The following PCLO variants were observed in gnomAD, a reference collection of about 807,000 sequenced individuals.
The protein encoded by PCLO is protein piccolo.
A neutral mutation model predicts 427.5 loss-of-function variants in PCLO; 82 were observed. That is an observed-to-expected ratio of 0.19 (90% CI 0.16 to 0.23). PCLO has a LOEUF of 0.23. Among genes scored for constraint, PCLO ranks in the 10% least tolerant of loss-of-function variants. The pLI is 1.00. For missense variants in PCLO, 6,239 were observed against 6,115.9 expected, an observed-to-expected ratio of 1.02 and a Z score of -0.67; for synonymous variants, 2,357 against 2,155.4, an observed-to-expected ratio of 1.09 and a Z score of -2.59.
At chr7:82,761,724 T>C (rs997010911) in intron 22 of PCLO, among the ~76,000 whole-genome samples, 2 of 151,844 alleles carry the variant, frequency 1.3e-5, no homozygotes, top group Non-Finnish European at 2.9e-5. Flanking sequence ...CAGATTCATT[T>C]ATTCAGATAT....
chr7:82,856,025 A>C (rs1481022729), intron 10 of PCLO, among the ~76,000 whole-genome samples: 2 of 152,140 alleles, frequency 1.3e-5, no homozygotes, highest in Non-Finnish European at 2.9e-5. Flanking sequence ...ACTTGGGCAC[A>C]GTTAAGGGAG....
chr7:82,766,714 A>G (rs901200781), intron 22 of PCLO, among the ~76,000 whole-genome samples: 1 of 152,046 alleles, frequency 6.6e-6, no homozygotes, highest in African/African-American at 2.4e-5. Context: ...AGCTCAACAC[A>G]CCGCATATGT....
intron 20 of PCLO, among the ~76,000 whole-genome samples, chr7:82,813,032 G>T (rs1317556447): frequency 6.6e-6 from 1 of 151,652 alleles, no homozygotes; most frequent in Non-Finnish European, 1.5e-5. Context: ...GAAACTGTGA[G>T]AACTTACATC....
At chr7:83,061,822 A>G (rs1370797803) in intron 3 of PCLO, among the ~76,000 whole-genome samples, 1 of 152,098 alleles carries the variant, frequency 6.6e-6, no homozygotes, top group Non-Finnish European at 1.5e-5. Flanking sequence ...TCACTCCCTA[A>G]CCATTTGGGT....
At chr7:83,000,045 CAAA>C (rs1033669345) in intron 3 of PCLO, among the ~76,000 whole-genome samples, 1 of 84,522 alleles carries the variant, frequency 1.2e-5, no homozygotes, top group Admixed American at 1.4e-4. Context: ...TGCCAAAAAA[CAAA>C]AAACAAACAA....
intron 19 of PCLO, 101 bp downstream of exon 19, chr7:82,824,135 A>C (rs1053832676): frequency 2.7e-6 from 2 of 742,918 alleles, no homozygotes; most frequent in Non-Finnish European, 4.2e-6. Flanking sequence ...AGTCGTGTCT[A>C]ATCTATTAAT....
At chr7:83,080,946 T>C (rs1297848916) in intron 3 of PCLO, among the ~76,000 whole-genome samples, 1 of 151,636 alleles carries the variant, frequency 6.6e-6, no homozygotes, top group African/African-American at 2.4e-5. Context: ...AAAATAATTA[T>C]AATAATATAC....
Position 82,828,073 on chromosome 7 carries a change from C to G in PCLO, c.14250-107G>C, listed in dbSNP as rs867910969. On this transcript the variant is annotated intron_variant, in intron 16 of 24. Coordinates refer to ENST00000333891, the MANE Select transcript of PCLO (RefSeq NM_033026.6). ...CTATTCAAGATATTTTATTTCAAATCACTATATAATTATCTCATCATCCTC... is the reference window on the plus strand; with the variant it reads ...CTATTCAAGATATTTTATTTCAAATGACTATATAATTATCTCATCATCCTC... 47 of 683,402 alleles carry G rather than the reference C, an allele frequency of 6.9e-5. No homozygotes were observed. The Middle Eastern group carries it at 1.7e-3, about 24-fold the overall frequency. The allele number at this position is 683,402 out of a possible 1,614,324, so 42.3% of individuals were successfully genotyped here.
In PCLO at chr7:82,950,535, T is replaced by G. The variant is rs1266219930; in HGVS notation, c.10053A>C (p.Ala3351=). The G allele has an allele frequency of 6.2e-7, 1 of 1,613,898 alleles. No homozygotes were observed. Among genetic ancestry groups the G allele is most frequent in the Admixed American group, 1.7e-5 (1 of 60,012 alleles). Residue 3351 remains alanine (A), a synonymous_variant, in exon 6 of 25, where the codon GCA becomes GCC. Coordinates refer to ENST00000333891, the MANE Select transcript of PCLO (RefSeq NM_033026.6). ...AAGCTGTGGTGGTTGCATCTTCAGT[T>G]GCCCAAAATTGACTGCCTTCCAGAG... ...YAALEGSQFW[A]TEDATTTASA... is the part of the protein sequence containing the mutation.
Position 82,951,071 on chromosome 7 carries a change from G to C in PCLO, c.9517C>G (p.Leu3173Val). The C allele has an allele frequency of 1.2e-6, 2 of 1,613,918 alleles. No individual in the cohort carries two copies. Among genetic ancestry groups the C allele is most frequent in the African/African-American group, 2.7e-5 (2 of 75,054 alleles). ...ACAGAGTCTATCGTCTCAGCAGTAAGAGACTCCATAGTAATAGTTTGCAAA... is the reference window on the plus strand; with the variant it reads ...ACAGAGTCTATCGTCTCAGCAGTAACAGACTCCATAGTAATAGTTTGCAAA... ...ASLQTITMES[L>V]TAETIDSVPT... is the part of the protein sequence containing the mutation. Residue 3173 changes from leucine to valine, a missense_variant, in exon 6 of 25, where the codon CTT becomes GTT. Physicochemically the swap from Leu to Val is conservative, Grantham distance 32. Transcript: ENST00000333891.
intron 3 of PCLO, among the ~76,000 whole-genome samples, chr7:82,979,476 GT>G (rs1796099156): frequency 6.6e-6 from 1 of 152,070 alleles, no homozygotes; most frequent in South Asian, 2.1e-4. Context: ...GTTTAAAGTA[GT>G]TTTTTGATGC....
At chr7:82,902,126 C>T (rs78182686) in intron 9 of PCLO, among the ~76,000 whole-genome samples, 10,050 of 151,806 alleles carry the variant, frequency 0.066, 452 homozygotes, top group East Asian at 0.19. Flanking sequence ...CACATGCACA[C>T]GTATGTTTAT....
rs1209922156 is a variant in PCLO at position 83,114,107 on chromosome 7, A to G, written c.3300+20143T>C. Among the ~76,000 whole-genome samples, 3 of 152,134 alleles carry G rather than the reference A, an allele frequency of 2.0e-5. No homozygotes were observed. In the East Asian group the frequency reaches 5.8e-4, roughly 29 times the overall value. On this transcript the variant is annotated intron_variant, in intron 3 of 24. Transcript: ENST00000333891. The stretch of plus-strand genomic sequence containing the variant: ...ACTACAATTATAACTCGATTAAGAG[A>G]AAGCCTGCATTTCACTCTACATGCC...
At chr7:83,161,936 GACC>G (rs1375519759) in intron 1 of PCLO, among the ~76,000 whole-genome samples, 32 of 152,164 alleles carry the variant, frequency 2.1e-4, no homozygotes, top group Admixed American at 2.6e-4. Flanking sequence ...CAGAGAAAAA[GACC>G]CGCAATGGCC....
chr7:82,822,956 T>C (rs1457469690), intron 19 of PCLO, among the ~76,000 whole-genome samples: 2 of 152,146 alleles, frequency 1.3e-5, no homozygotes, highest in East Asian at 3.9e-4. Context: ...ATAAATATGT[T>C]AACTTTTAGT....
chr7:83,151,520 C>T (rs767633167), intron 2 of PCLO, among the ~76,000 whole-genome samples: 1 of 152,174 alleles, frequency 6.6e-6, no homozygotes, highest in Admixed American at 6.5e-5. Flanking sequence ...GTGTAAATGG[C>T]TTGTCCAAGT....
At chr7:83,157,694 T>A (rs1792335756) in intron 1 of PCLO, among the ~76,000 whole-genome samples, 1 of 151,894 alleles carries the variant, frequency 6.6e-6, no homozygotes, top group Non-Finnish European at 1.5e-5. Context: ...CATACTTTAG[T>A]GATAAAGTTG....
chr7:83,073,946 A>C (rs1193873640), intron 3 of PCLO, among the ~76,000 whole-genome samples: 2 of 151,758 alleles, frequency 1.3e-5, no homozygotes, highest in Non-Finnish European at 2.9e-5. Context: ...TTGTTTCTAA[A>C]ACTTCTACAA....
intron 3 of PCLO, among the ~76,000 whole-genome samples, chr7:82,975,790 T>C (rs1309821610): frequency 6.6e-6 from 1 of 150,384 alleles, no homozygotes; most frequent in Non-Finnish European, 1.5e-5. Context: ...TCCCCTATGC[T>C]GTTCTCATGA....
Sources: gnomAD v4.1 joint callset for allele counts (sites outside exome capture counted in the v4.1 genomes callset) on GRCh38, gnomAD v4.1.1 for gene constraint, MANE v1.5 for transcripts, NCBI Gene and HGNC (gene_info 2026-07-23, HGNC 2026-07-21) for gene names.